The following CADM2 variants were observed in gnomAD, a reference collection of about 807,000 sequenced individuals.
CADM2 encodes immunoglobulin superfamily member 4D.
A neutral mutation model predicts 49.8 loss-of-function variants in CADM2; 12 were observed. The observed-to-expected ratio is 0.24, with a 90% CI of 0.15 to 0.39. The LOEUF (loss-of-function observed/expected upper bound fraction) is 0.39. Ranked by LOEUF, CADM2 falls within the 10% of genes least tolerant of loss-of-function variation. The probability of loss-of-function intolerance (pLI) is 1.00; values close to 1 mark genes in which losing one functional copy is unlikely to be tolerated. For missense variants in CADM2, 378 were observed against 492.3 expected (o/e 0.77, Z 2.20); for synonymous variants, 214 against 175.4 (o/e 1.22, Z -1.74).
chr3:85,142,280 C>T (rs1002217208), intron 1 of CADM2, among the ~76,000 whole-genome samples: 3 of 152,200 alleles, frequency 2.0e-5, no homozygotes, highest in African/African-American at 7.2e-5. Flanking sequence ...TGCCTAACCA[C>T]CAGCCTGTAG....
chr3:85,390,037 T>C (rs1472613609), intron 1 of CADM2, among the ~76,000 whole-genome samples: 1 of 151,986 alleles, frequency 6.6e-6, no homozygotes, highest in African/African-American at 2.4e-5. Flanking sequence ...CTAGTGAATA[T>C]ACATATAAGA....
chr3:85,837,574 G>C (rs150807454), intron 3 of CADM2, among the ~76,000 whole-genome samples: 2 of 151,342 alleles, frequency 1.3e-5, no homozygotes, highest in Non-Finnish European at 3.0e-5. Context: ...GTTATGTCTC[G>C]TCATCATTCT....
chr3:85,194,331 C>T (rs574758924), intron 1 of CADM2, among the ~76,000 whole-genome samples: 2 of 152,060 alleles, frequency 1.3e-5, no homozygotes, highest in East Asian at 3.9e-4. Context: ...CTGAGTATGT[C>T]TTAAAACATT....
intron 1 of CADM2, among the ~76,000 whole-genome samples, chr3:85,342,257 A>G (rs2029936448): frequency 6.6e-6 from 1 of 152,162 alleles, no homozygotes; most frequent in South Asian, 2.1e-4. Context: ...CAGACATATG[A>G]AAAAATGCTC....
At chr3:85,528,195 G>T (rs956132781) in intron 1 of CADM2, among the ~76,000 whole-genome samples, 3 of 151,948 alleles carry the variant, frequency 2.0e-5, no homozygotes, top group African/African-American at 7.3e-5. Context: ...CCTTCCTGTT[G>T]TCATTATCAC....
intron 8 of CADM2, among the ~76,000 whole-genome samples, chr3:86,041,966 T>A (rs1438396286): frequency 6.6e-6 from 1 of 152,160 alleles, no homozygotes; most frequent in Non-Finnish European, 1.5e-5. Context: ...AACAACCTGC[T>A]CCTGAATGAC....
At chr3:85,608,087 AACTG>A (rs2063581870) in intron 1 of CADM2, among the ~76,000 whole-genome samples, 1 of 152,160 alleles carries the variant, frequency 6.6e-6, no homozygotes, top group African/African-American at 2.4e-5. Flanking sequence ...GAGAAGCTTA[AACTG>A]ACTAATTTGT....
At chr3:85,581,809 T>C (rs1204069008) in intron 1 of CADM2, among the ~76,000 whole-genome samples, 1 of 151,906 alleles carries the variant, frequency 6.6e-6, no homozygotes, top group African/African-American at 2.4e-5. Context: ...CTTAGTGAGC[T>C]TCGAGTATTT....
chr3:85,139,166 C>A (rs991870697), intron 1 of CADM2, among the ~76,000 whole-genome samples: 2 of 152,140 alleles, frequency 1.3e-5, no homozygotes, highest in African/African-American at 4.8e-5. Context: ...ATTTTGTTCT[C>A]TAGTAGATTA....
At chr3:85,199,366 T>TGC (rs2041426982) in intron 1 of CADM2, among the ~76,000 whole-genome samples, 1 of 116,146 alleles carries the variant, frequency 8.6e-6, no homozygotes, top group Admixed American at 7.8e-5. Flanking sequence ...TGTGTGTGTG[T>TGC]GTATGAGAGA....
chr3:85,756,890 C>T (rs1028606934), intron 2 of CADM2, among the ~76,000 whole-genome samples: 1 of 151,946 alleles, frequency 6.6e-6, no homozygotes, highest in Non-Finnish European at 1.5e-5. Flanking sequence ...CAGACAGAGA[C>T]GTTTTATATA....
chr3:85,959,908 G>T (rs548102300), intron 7 of CADM2, among the ~76,000 whole-genome samples: 49 of 151,892 alleles, frequency 3.2e-4, no homozygotes, highest in Non-Finnish European at 3.1e-4. Flanking sequence ...CATTTCTCAG[G>T]CTATATCCTC....
chr3:85,403,571 T>C (rs1314634531), intron 1 of CADM2, among the ~76,000 whole-genome samples: 1 of 152,134 alleles, frequency 6.6e-6, no homozygotes, highest in Non-Finnish European at 1.5e-5. Context: ...TGGTGAGATC[T>C]TGCTCTTAAT....
chr3:85,622,978 G>A (rs927250668), intron 1 of CADM2, among the ~76,000 whole-genome samples: 1 of 152,080 alleles, frequency 6.6e-6, no homozygotes, highest in African/African-American at 2.4e-5. Context: ...CTTTCAATAG[G>A]TGAGTATCAG....
intron 1 of CADM2, among the ~76,000 whole-genome samples, chr3:85,133,394 A>G (rs2039298786): frequency 6.6e-6 from 1 of 152,256 alleles, no homozygotes; most frequent in South Asian, 2.1e-4. Context: ...AAGGTTCTCT[A>G]CGTCCCCACT....
chr3:85,448,160 T>A (rs2037559024), intron 1 of CADM2, among the ~76,000 whole-genome samples: 1 of 151,250 alleles, frequency 6.6e-6, no homozygotes, highest in Admixed American at 6.6e-5. Context: ...TGAAACCCCG[T>A]CTCTACTGAA....
intron 1 of CADM2, among the ~76,000 whole-genome samples, chr3:85,305,319 GA>G (rs918965674): frequency 5.9e-5 from 9 of 151,418 alleles, no homozygotes; most frequent in East Asian, 1.9e-4. Flanking sequence ...AACTGGAAGG[GA>G]AAAAAATCCA....
chr3:85,359,666 A>ATATATATATATATATATATATATTT lies in CADM2; in HGVS notation c.62-366855_62-366854insATATATATATATATATATATATTTT. Reference sequence around the variant, plus strand: ...TATATATATATATATATATATATATATTTTTTTTTTTGGTGGAGGGGAGAA... The same window carrying ATATATATATATATATATATATATTT: ...TATATATATATATATATATATATATATATATATATATATATATATATATTTTTTTTTTTTTTGGTGGAGGGGAGAA... On this transcript the variant is annotated intron_variant, in intron 1 of 9. Coordinates refer to ENST00000383699, the MANE Select transcript of CADM2 (RefSeq NM_001167675.2). Among the ~76,000 whole-genome samples the ATATATATATATATATATATATATTT allele has an allele frequency of 2.8e-3, 74 of 26,494 alleles. 2 individuals are homozygous for ATATATATATATATATATATATATTT. Among genetic ancestry groups the ATATATATATATATATATATATATTT allele is most frequent in the Non-Finnish European group, 3.8e-3 (47 of 12,266 alleles). The allele number at this position is 26,494 out of a possible 152,430, so 17.4% of individuals were successfully genotyped here.
intron 1 of CADM2, among the ~76,000 whole-genome samples, chr3:85,337,249 A>G (rs2045115538): frequency 6.6e-6 from 1 of 150,460 alleles, no homozygotes; most frequent in African/African-American, 2.4e-5. Context: ...TAGTGTGATG[A>G]TTTGTCTAAA....
Sources: gnomAD v4.1 joint callset for allele counts (sites outside exome capture counted in the v4.1 genomes callset) on GRCh38, gnomAD v4.1.1 for gene constraint, MANE v1.5 for transcripts, NCBI Gene and HGNC (gene_info 2026-07-23, HGNC 2026-07-21) for gene names.